ASXL3: variants seen among roughly 807,000 people sequenced by gnomAD.
ASXL3 encodes ASXL transcriptional regulator 3, also known as putative Polycomb group protein ASXL3.
ASXL3 carries 34 observed loss-of-function variants against 170.6 expected under a neutral mutation model. That is an observed-to-expected ratio of 0.20 (90% CI 0.15 to 0.27). The LOEUF (loss-of-function observed/expected upper bound fraction) is 0.27. Ranked by LOEUF, ASXL3 falls within the 10% of genes least tolerant of loss-of-function variation. The probability of loss-of-function intolerance (pLI) is 1.00; values close to 1 mark genes in which losing one functional copy is unlikely to be tolerated. For missense variants in ASXL3, 2,592 were observed against 2,695.3 expected, an observed-to-expected ratio of 0.96 and a Z score of 0.85; for synonymous variants, 1,002 against 989.1, an observed-to-expected ratio of 1.01 and a Z score of -0.24.
chr18:33,687,804 A>G (rs2066620919), intron 8 of ASXL3, among the ~76,000 whole-genome samples: 1 of 152,166 alleles, frequency 6.6e-6, no homozygotes, highest in Non-Finnish European at 1.5e-5. Context: ...TTCTTCACAC[A>G]TACTGCAAGT....
chr18:33,723,992 T>G (rs1307485763), intron 8 of ASXL3, among the ~76,000 whole-genome samples: 1 of 152,176 alleles, frequency 6.6e-6, no homozygotes, highest in Non-Finnish European at 1.5e-5. Context: ...GGTATGTAAA[T>G]TGATTTTTAG....
chr18:33,671,624 C>A, intron 6 of ASXL3, 123 bp from the exon 7 acceptor site: 1 of 795,566 alleles, frequency 1.3e-6, no homozygotes, highest in South Asian at 2.6e-5. Context: ...CAGATTGTGG[C>A]CAAAGGTAGT....
Position 33,748,665 on chromosome 18 carries a change from T to A in ASXL3, c.*2070T>A, listed in dbSNP as rs2067836429. 1 of 152,250 alleles carries A rather than the reference T, an allele frequency of 6.6e-6. No homozygotes were observed. Among genetic ancestry groups the A allele is most frequent in the Admixed American group, 6.5e-5 (1 of 15,284 alleles). 9.4% of individuals were successfully genotyped at this position (152,250 alleles called of 1,614,324 possible). A position where few individuals can be genotyped will look rare whatever the true frequency, so the allele number is the denominator to read the frequency against. On this transcript the variant is annotated 3_prime_UTR_variant, in exon 12 of 12. Coordinates refer to ENST00000269197, the MANE Select transcript of ASXL3 (RefSeq NM_030632.3). The stretch of plus-strand genomic sequence containing the variant: ...GGTGTCTTTGTCTGCCTGGCTCTGA[T>A]ATCATCCTGATTTCGAAGATCATGC...
chr18:33,617,485 C>T (rs575642548), intron 2 of ASXL3, among the ~76,000 whole-genome samples: 2 of 152,238 alleles, frequency 1.3e-5, no homozygotes, highest in South Asian at 4.1e-4. Flanking sequence ...AGTGAGACTC[C>T]ATCTCAAACA....
At chr18:33,606,782 A>T (rs1293040836) in intron 1 of ASXL3, among the ~76,000 whole-genome samples, 2 of 151,898 alleles carry the variant, frequency 1.3e-5, no homozygotes, top group African/African-American at 4.8e-5. Flanking sequence ...CCTGTAGTTC[A>T]TGTTGGTGCA....
intron 7 of ASXL3, among the ~76,000 whole-genome samples, 157 bp from the exon 8 acceptor site, chr18:33,683,248 A>G (rs375258671): frequency 6.8e-4 from 103 of 152,298 alleles, no homozygotes; most frequent in African/African-American, 2.4e-3. Context: ...AAGCTTTGGG[A>G]ATTTCTTTTC....
At chr18:33,666,716 G>A (rs913390629) in intron 5 of ASXL3, among the ~76,000 whole-genome samples, 1 of 152,136 alleles carries the variant, frequency 6.6e-6, no homozygotes, top group Non-Finnish European at 1.5e-5. Context: ...TGGAAGAGAG[G>A]TGTTAGACAT....
intron 8 of ASXL3, among the ~76,000 whole-genome samples, chr18:33,690,832 C>T (rs952782884): frequency 2.0e-5 from 3 of 152,246 alleles, no homozygotes; most frequent in Non-Finnish European, 4.4e-5. Context: ...GATGACAGGC[C>T]ACCCACCTTG....
At chr18:33,703,413 TATGA>T (rs1210695120) in intron 8 of ASXL3, among the ~76,000 whole-genome samples, 4 of 152,136 alleles carry the variant, frequency 2.6e-5, no homozygotes, top group Non-Finnish European at 5.9e-5. Context: ...ACATCCACCC[TATGA>T]ATGAGCTGGG....
intron 2 of ASXL3, among the ~76,000 whole-genome samples, chr18:33,639,282 G>A (rs1247051474): frequency 6.6e-6 from 1 of 152,076 alleles, no homozygotes; most frequent in African/African-American, 2.4e-5. Flanking sequence ...AGGGACCTGT[G>A]ACCTAGAGAA....
chr18:33,597,555 C>T (rs1411157764), intron 1 of ASXL3, among the ~76,000 whole-genome samples: 1 of 151,836 alleles, frequency 6.6e-6, no homozygotes, highest in African/African-American at 2.4e-5. Context: ...AGAAAAATAC[C>T]TAAAGGTAGA....
intron 8 of ASXL3, among the ~76,000 whole-genome samples, chr18:33,721,434 A>T (rs1398874661): frequency 1.3e-5 from 2 of 152,120 alleles, no homozygotes; most frequent in East Asian, 1.9e-4. Context: ...ATAAATGTGT[A>T]TGCATGTTCC....
Position 33,746,333 on chromosome 18 carries a change from C to G in ASXL3, c.6485C>G (p.Thr2162Arg), listed in dbSNP as rs747352135. ...GNYPTIHFGS[T>R]SFKRAASAIE... Reference sequence around the variant, plus strand: ...TATCCAACAATACACTTTGGTAGCACGAGTTTCAAAAGGGCAGCATCTGCA... The same window carrying G: ...TATCCAACAATACACTTTGGTAGCAGGAGTTTCAAAAGGGCAGCATCTGCA... Residue 2162 changes from threonine to arginine, a missense_variant, in exon 12 of 12, where the codon ACG (threonine) becomes AGG (arginine). Physicochemically the swap from Thr to Arg is moderately conservative, Grantham distance 71. Coordinates refer to ENST00000269197, the MANE Select transcript of ASXL3 (RefSeq NM_030632.3). The G allele has an allele frequency of 1.7e-5, 27 of 1,613,936 alleles. No homozygotes were observed. Among genetic ancestry groups the G allele is most frequent in the Non-Finnish European group, 2.3e-5 (27 of 1,179,870 alleles).
At chr18:33,597,793 CA>C (rs34304405) in intron 1 of ASXL3, among the ~76,000 whole-genome samples, 83,502 of 132,480 alleles carry the variant, frequency 0.63, 24,695 homozygotes, top group African/African-American at 0.71. Flanking sequence ...CTCTCATCTA[CA>C]AAAAAAAAAA....
At chr18:33,721,665 C>CA (rs769568431) in intron 8 of ASXL3, among the ~76,000 whole-genome samples, 3 of 152,088 alleles carry the variant, frequency 2.0e-5, no homozygotes, top group African/African-American at 4.8e-5. Context: ...ATATTTCTCT[C>CA]TAAAATTTAC....
intron 10 of ASXL3, among the ~76,000 whole-genome samples, chr18:33,735,746 T>C (rs1204222536): frequency 6.6e-6 from 1 of 152,070 alleles, no homozygotes; most frequent in East Asian, 1.9e-4. Context: ...ATAACTGAGA[T>C]AGTACCTCCA....
At chr18:33,643,811 C>T (rs964153563) in intron 2 of ASXL3, among the ~76,000 whole-genome samples, 5 of 151,778 alleles carry the variant, frequency 3.3e-5, no homozygotes, top group African/African-American at 7.2e-5. Context: ...TTGAAAGCTT[C>T]ATATCCTAAA....
At chr18:33,632,349 A>G (rs748288464) in intron 2 of ASXL3, among the ~76,000 whole-genome samples, 4 of 152,152 alleles carry the variant, frequency 2.6e-5, no homozygotes, top group Non-Finnish European at 4.4e-5. Context: ...TTACTCTACA[A>G]CCATGACAAT....
chr18:33,584,964 A>T (rs1408928419), intron 1 of ASXL3, among the ~76,000 whole-genome samples: 1 of 151,722 alleles, frequency 6.6e-6, no homozygotes, highest in African/African-American at 2.4e-5. Context: ...AAAAAACAAT[A>T]TGGGTGTTTA....
Sources: gnomAD v4.1 joint callset for allele counts (sites outside exome capture counted in the v4.1 genomes callset) on GRCh38, gnomAD v4.1.1 for gene constraint, MANE v1.5 for transcripts, NCBI Gene and HGNC (gene_info 2026-07-23, HGNC 2026-07-21) for gene names.